Variants in P4HB observed in about 807,000 individuals in gnomAD.
The protein encoded by P4HB is prolyl 4-hydroxylase subunit beta.
Under a neutral mutation model 52.6 loss-of-function variants are expected in P4HB, and 20 were observed. The observed-to-expected ratio is 0.38, with a 90% CI of 0.27 to 0.55. The LOEUF is 0.55. Among genes scored for constraint, P4HB ranks in the 20% least tolerant of loss-of-function variants. The pLI is 0.74. For missense variants in P4HB, 601 were observed against 669.2 expected, an observed-to-expected ratio of 0.90 and a Z score of 1.12; for synonymous variants, 296 against 277.9, an observed-to-expected ratio of 1.07 and a Z score of -0.65.
In P4HB at chr17:81,846,126, G is replaced by A. The variant is rs559438157; in HGVS notation, c.1057-135C>T. ...AGGGTGGCAGCCGCAGACACCAACA[G>A]TGCCAAGAATCCAGAAAGAGAAGGC... On this transcript the variant is annotated intron_variant, in intron 7 of 10. Transcript: ENST00000331483. This position sits in a 1 kb window ranked among gnomAD's most constrained non-coding sequence, Gnocchi z 5.7. The A allele has an allele frequency of 6.9e-6, 8 of 1,167,346 alleles. No homozygotes were observed. Among genetic ancestry groups the A allele is most frequent in the South Asian group, 4.9e-5 (3 of 61,790 alleles). The allele number at this position is 1,167,346 out of a possible 1,614,324, so 72.3% of individuals were successfully genotyped here. A position where few individuals can be genotyped will look rare whatever the true frequency, so the allele number is the denominator to read the frequency against.
In P4HB at chr17:81,846,664, G is replaced by A. The variant is rs201949743; in HGVS notation, c.856-35C>T. ...AAAAGGAGGTTGCACAGGTGCGGGA[G>A]ACGGCTGGCCTCTGCCTCCAGCCCT... On this transcript the variant is annotated intron_variant, in intron 6 of 10. Transcript: ENST00000331483. The surrounding 1 kb of genome is among the most constrained non-coding windows in gnomAD (Gnocchi z 5.7). 3 of 1,594,572 alleles carry A rather than the reference G, an allele frequency of 1.9e-6. No individual in the cohort carries two copies. Among genetic ancestry groups the A allele is most frequent in the Non-Finnish European group, 8.6e-7 (1 of 1,166,062 alleles).
At chr17:81,851,535 G>A (rs1344617963) in intron 4 of P4HB, among the ~76,000 whole-genome samples, 2 of 152,224 alleles carry the variant, frequency 1.3e-5, no homozygotes, top group Non-Finnish European at 2.9e-5. Context: ...GCCCTTGGAG[G>A]GAATCCTTTG....
chr17:81,858,257 CAAAAA>C (rs901002093), intron 2 of P4HB, among the ~76,000 whole-genome samples: 18 of 38,792 alleles, frequency 4.6e-4, no homozygotes, highest in South Asian at 1.2e-3. Flanking sequence ...GAGACTGTCT[CAAAAA>C]AAAAAAAAAA....
chr17:81,859,508 A>G (rs1244631885), intron 1 of P4HB, 121 bp from the exon 2 acceptor site: 4 of 822,632 alleles, frequency 4.9e-6, no homozygotes, highest in South Asian at 3.2e-5. Flanking sequence ...CTACTCACCA[A>G]GATAACCCCT....
intron 1 of P4HB, chr17:81,860,103 T>A (rs1371510416): frequency 7.5e-6 from 3 of 398,730 alleles, no homozygotes; most frequent in Non-Finnish European, 1.3e-5. Context: ...AACAGGAAGA[T>A]CCTGCCGTGC....
chr17:81,844,728 C>T (rs2038706178), intron 10 of P4HB, among the ~76,000 whole-genome samples: 1 of 152,238 alleles, frequency 6.6e-6, no homozygotes, highest in African/African-American at 2.4e-5. Flanking sequence ...AGAGTCACCA[C>T]TGCTGCTGGC....
intron 4 of P4HB, among the ~76,000 whole-genome samples, chr17:81,852,812 G>C (rs965041815): frequency 6.6e-6 from 1 of 152,268 alleles, no homozygotes; most frequent in African/African-American, 2.4e-5. Flanking sequence ...AGTCACAGCG[G>C]CCACTGCAGA....
In P4HB at chr17:81,855,534, C is replaced by A; in HGVS notation, c.405G>T (p.Pro135=). Residue 135 remains proline (P), a synonymous_variant, in exon 3 of 11, where the codon CCG becomes CCT. Transcript: ENST00000331483. This position sits in a 1 kb window ranked among gnomAD's most constrained non-coding sequence, Gnocchi z 4.3. Reference sequence around the variant, plus strand: ...CGCCGTCAGGCAGGGTGGTGGCAGCCGGGCCCGTGCGCTTCTTCAGCCAGT... The same window carrying A: ...CGCCGTCAGGCAGGGTGGTGGCAGCAGGGCCCGTGCGCTTCTTCAGCCAGT... The part of the protein sequence containing the change: ...IVNWLKKRTG[P]AATTLPDGAA... 1 of 1,613,932 alleles carries A rather than the reference C, an allele frequency of 6.2e-7. No homozygotes were observed. The highest frequency in any genetic ancestry group is 1.1e-5 in the South Asian group (1 of 91,076).
In P4HB at chr17:81,843,551, C is replaced by T; in HGVS notation, c.*461G>A. The T allele has an allele frequency of 2.4e-6, 1 of 424,128 alleles. No homozygotes were observed. The highest frequency in any genetic ancestry group is 8.6e-5 in the South Asian group (1 of 11,668). The allele number at this position is 424,128 out of a possible 1,614,324, so 26.3% of individuals were successfully genotyped here. A position where few individuals can be genotyped will look rare whatever the true frequency, so the allele number is the denominator to read the frequency against. ...GCAGGCGGTACTGAGTGACCATGTC[C>T]AGTCCGGCTCCGTCCCTCCCACACG... On this transcript the variant is annotated 3_prime_UTR_variant, in exon 11 of 11. Transcript: ENST00000331483.
At chr17:81,857,439 G>T (rs989699103) in intron 2 of P4HB, among the ~76,000 whole-genome samples, 20 of 152,106 alleles carry the variant, frequency 1.3e-4, no homozygotes, top group Non-Finnish European at 2.5e-4. Context: ...ATGAGCCACC[G>T]CACCCAGCCT....
intron 2 of P4HB, among the ~76,000 whole-genome samples, chr17:81,857,313 A>G (rs993712408): frequency 2.4e-4 from 37 of 152,036 alleles, no homozygotes; most frequent in African/African-American, 8.0e-4. Flanking sequence ...ACGCCCGGCT[A>G]ATTTTTGTAT....
At chr17:81,854,002 G>A (rs1221575219) in intron 4 of P4HB, among the ~76,000 whole-genome samples, 14 of 152,234 alleles carry the variant, frequency 9.2e-5, no homozygotes, top group Non-Finnish European at 1.3e-4. Context: ...GGGGAGAGGC[G>A]GCTAAGAGGC....
chr17:81,847,450 G>T, intron 4 of P4HB, 103 bp from the exon 5 acceptor site: 1 of 939,458 alleles, frequency 1.1e-6, no homozygotes, highest in Non-Finnish European at 1.7e-6. Flanking sequence ...CAGCAGCCCT[G>T]CCCTCCCGTG....
intron 1 of P4HB, 188 bp from the exon 2 acceptor site, chr17:81,859,575 G>C (rs2038965015): frequency 1.7e-6 from 1 of 598,076 alleles, no homozygotes. Context: ...TCAGGACAGA[G>C]GCCGTGAACG....
chr17:81,859,221 G>T lies in P4HB; in HGVS notation c.312C>A (p.Phe104Leu). Reference protein sequence around the residue: ...YGVRGYPTIKFFRNGDTASPK... With the variant: ...YGVRGYPTIKLFRNGDTASPK... ...GGGAAGCCGTGTCTCCATTCCTGAA[G>T]AACTTGATGGTGGGATAGCCGCGCA... The change falls in exon 2 of 11, where the codon TTC (phenylalanine) becomes TTA (leucine). Residue 104 changes from phenylalanine to leucine, a missense_variant. Coordinates refer to ENST00000331483, the MANE Select transcript of P4HB (RefSeq NM_000918.4). 6.2e-7 allele frequency: 1 copy of T among 1,614,020 alleles called. No homozygotes were observed. Among genetic ancestry groups the T allele is most frequent in the Non-Finnish European group, 8.5e-7 (1 of 1,180,018 alleles).
At chr17:81,858,370 G>A (rs1598272347) in intron 2 of P4HB, among the ~76,000 whole-genome samples, 1 of 151,332 alleles carries the variant, frequency 6.6e-6, no homozygotes, top group East Asian at 1.9e-4. Flanking sequence ...GGGGACAAAA[G>A]GAAACATCAA....
intron 9 of P4HB, 43 bp from the exon 10 acceptor site, chr17:81,845,273 G>A (rs2038715814): frequency 6.7e-7 from 1 of 1,497,242 alleles, no homozygotes. Context: ...TCCCGGCCCA[G>A]AGCCAATCTC....
chr17:81,852,169 G>A (rs898826536), intron 4 of P4HB, among the ~76,000 whole-genome samples: 1 of 152,192 alleles, frequency 6.6e-6, no homozygotes, highest in African/African-American at 2.4e-5. Context: ...GTAACAGAGC[G>A]AGACCCTTTC....
chr17:81,847,348 CTG>C lies in P4HB; in HGVS notation c.625-3_625-2del. 6.2e-7 allele frequency: 1 copy of C among 1,612,816 alleles called. No homozygotes were observed. Among genetic ancestry groups the C allele is most frequent in the Non-Finnish European group, 8.5e-7 (1 of 1,178,798 alleles). On this transcript the variant is annotated splice_acceptor_variant and splice_polypyrimidine_tract_variant and intron_variant, in intron 4 of 10. Transcript: ENST00000331483. LOFTEE classifies it high-confidence loss of function. ...CAAAGTTGTTCCGGCCTTCATCAAA[CTG>C]TGGACAGAAAGAGGGCCCTGACTGA...
Sources: gnomAD v4.1 joint callset for allele counts (sites outside exome capture counted in the v4.1 genomes callset) on GRCh38, gnomAD v4.1.1 for gene constraint, Gnocchi (gnomAD v3.1) non-coding constraint, MANE v1.5 for transcripts, NCBI Gene and HGNC (gene_info 2026-07-23, HGNC 2026-07-21) for gene names.